The following ZNF577 variants were observed in gnomAD, a reference collection of about 807,000 sequenced individuals.
The protein encoded by ZNF577 is zinc finger protein 577.
Under a neutral mutation model 13.9 loss-of-function variants are expected in ZNF577, and 14 were observed. The ratio of observed to expected loss-of-function variants is 1.00; its 90% CI spans 0.66 to 1.57. The LOEUF is 1.57. Ranked by LOEUF, ZNF577 falls within the 40% of genes most tolerant of loss-of-function variation. ZNF577 has a pLI of 0.00. For synonymous variants in ZNF577, 203 were observed against 202.9 expected (o/e 1.00, Z 0.00); for missense variants, 555 against 579.2 (o/e 0.96, Z 0.43).
intron 9 of ZNF577, among the ~76,000 whole-genome samples, chr19:51,817,313 T>C (rs79530843): frequency 0.026 from 3,895 of 152,146 alleles, 162 homozygotes; most frequent in African/African-American, 0.088. Context: ...AAAACCAAAA[T>C]AGAGTCACTC....
rs558202509 is a variant in ZNF577 at position 51,877,644 on chromosome 19, T to C, written c.188-267A>G. ...ATTGTTGGCAAAGATGTGGAGAAACTGGGACCCTGTGTACTCTTGGTGGGA... is the reference window on the plus strand; with the variant it reads ...ATTGTTGGCAAAGATGTGGAGAAACCGGGACCCTGTGTACTCTTGGTGGGA... On this transcript the variant is annotated intron_variant, in intron 4 of 5. Transcript: ENST00000638348. The C allele has an allele frequency of 7.8e-3, 2,488 of 317,940 alleles. 68 individuals are homozygous for C. The highest frequency in any genetic ancestry group is 0.05 in the African/African-American group (2,296 of 46,238). 19.7% of individuals were successfully genotyped at this position (317,940 alleles called of 1,614,324 possible).
At chr19:51,883,644 T>C (rs1271792888) in intron 1 of ZNF577, among the ~76,000 whole-genome samples, 1 of 151,860 alleles carries the variant, frequency 6.6e-6, no homozygotes, top group Non-Finnish European at 1.5e-5. Context: ...GTTATAGAAT[T>C]AAAGAGATCT....
intron 9 of ZNF577, among the ~76,000 whole-genome samples, chr19:51,829,862 G>C (rs1599844812): frequency 1.3e-5 from 2 of 152,054 alleles, no homozygotes; most frequent in East Asian, 3.9e-4. Context: ...ATCACTCCTT[G>C]TCCCCACTAG....
intron 10 of ZNF577, among the ~76,000 whole-genome samples, chr19:51,807,688 A>T (rs879582250): frequency 1.3e-5 from 2 of 152,248 alleles, no homozygotes; most frequent in African/African-American, 2.4e-5. Context: ...AGGAAGAATG[A>T]AAGAATGGAT....
chr19:51,872,930 A>G lies in ZNF577; in HGVS notation c.1060T>C (p.Tyr354His), dbSNP rs1038564484. ...HQRTHTGERPYSCRECGKAFA... is the reference protein window; with the variant it reads ...HQRTHTGERPHSCRECGKAFA... ...GCTTTGCCACATTCTCTGCATGAAT[A>G]TGGTCTCTCTCCAGTGTGAGTACGC... The change falls in exon 6 of 6, where the codon TAT becomes CAT. Residue 354 changes from tyrosine (Y) to histidine (H), a missense_variant. Tyr to His is a moderately conservative substitution (Grantham distance 83). Transcript: ENST00000638348. 1.2e-6 allele frequency: 2 copies of G among 1,614,212 alleles called. No individual in the cohort carries two copies. Among genetic ancestry groups the G allele is most frequent in the African/African-American group, 2.7e-5 (2 of 75,062 alleles).
chr19:51,870,620 T>C lies in ZNF577; in HGVS notation c.*1912A>G, dbSNP rs1264435142. ...TTCTTCCTCCAGCCTAGGGGGGGTT[T>C]CTCACATACATATGCTGATTATGAC... On this transcript the variant is annotated 3_prime_UTR_variant, in exon 6 of 6. Transcript: ENST00000638348. Among the ~76,000 whole-genome samples the C allele has an allele frequency of 6.6e-6, 1 of 152,216 alleles. No individual in the cohort carries two copies. The highest frequency in any genetic ancestry group is 6.5e-5 in the Admixed American group (1 of 15,292).
At chr19:51,818,270 T>C (rs1287481602) in intron 9 of ZNF577, among the ~76,000 whole-genome samples, 1 of 152,222 alleles carries the variant, frequency 6.6e-6, no homozygotes, top group Non-Finnish European at 1.5e-5. Flanking sequence ...AATGATACCC[T>C]TTTTGATATA....
intron 5 of ZNF577, among the ~76,000 whole-genome samples, chr19:51,857,365 G>A (rs10421236): frequency 0.25 from 23,559 of 92,766 alleles, 3,293 homozygotes; most frequent in African/African-American, 0.36. Context: ...AAAGAAGGAA[G>A]GAAAGAAAGA....
chr19:51,808,326 T>C (rs948311131), intron 10 of ZNF577, among the ~76,000 whole-genome samples: 2 of 152,240 alleles, frequency 1.3e-5, no homozygotes, highest in Non-Finnish European at 2.9e-5. Flanking sequence ...TCCTAAGTAT[T>C]GGTATGGGGA....
intron 8 of ZNF577, among the ~76,000 whole-genome samples, chr19:51,841,481 G>T (rs944765026): frequency 2.0e-5 from 3 of 152,146 alleles, no homozygotes; most frequent in African/African-American, 4.8e-5. Context: ...CAAAAAGTGT[G>T]TTGTGGGGAT....
intron 2 of ZNF577, 53 bp downstream of exon 2, chr19:51,880,626 C>T (rs1216679378): frequency 1.9e-6 from 1 of 540,500 alleles, no homozygotes; most frequent in African/African-American, 1.9e-5. Flanking sequence ...CTTTTACAAG[C>T]TTCCACAGAC....
intron 5 of ZNF577, among the ~76,000 whole-genome samples, chr19:51,858,729 C>G (rs1201830130): frequency 1.3e-5 from 2 of 152,006 alleles, no homozygotes; most frequent in African/African-American, 4.8e-5. Context: ...CTAGAATACC[C>G]ACTAGAAGTT....
At chr19:51,881,317 G>A (rs10402630) in intron 1 of ZNF577, among the ~76,000 whole-genome samples, 33,687 of 151,974 alleles carry the variant, frequency 0.22, 4,573 homozygotes, top group South Asian at 0.41. Flanking sequence ...CTGTCTCTAA[G>A]AATAAAAACA....
chr19:51,818,858 G>A (rs1302943498), intron 9 of ZNF577, among the ~76,000 whole-genome samples: 1 of 152,154 alleles, frequency 6.6e-6, no homozygotes, highest in Non-Finnish European at 1.5e-5. Flanking sequence ...GAAGAGTGCT[G>A]AGAAGAATAA....
chr19:51,851,530 CTCCTGAG>C (rs2084378572), intron 5 of ZNF577, among the ~76,000 whole-genome samples: 2 of 152,280 alleles, frequency 1.3e-5, no homozygotes, highest in South Asian at 4.1e-4. Context: ...CCAAACTTCT[CTCCTGAG>C]TCCTAACTAC....
chr19:51,833,244 T>C (rs890968638), intron 9 of ZNF577, among the ~76,000 whole-genome samples: 2 of 152,168 alleles, frequency 1.3e-5, no homozygotes, highest in African/African-American at 4.8e-5. Flanking sequence ...GCCTGGGAAC[T>C]CTCTCAAGTC....
rs2084970211 is a variant in ZNF577, at chr19:51,887,636, A to T, written c.-1034T>A. The T allele has an allele frequency of 6.6e-6, 1 of 152,056 alleles. No individual in the cohort carries two copies. Among genetic ancestry groups the T allele is most frequent in the Non-Finnish European group, 1.5e-5 (1 of 68,056 alleles). The allele number at this position is 152,056 out of a possible 1,614,324, so 9.4% of individuals were successfully genotyped here. On this transcript the variant is annotated 5_prime_UTR_variant, in exon 1 of 6. Transcript: ENST00000638348. ...GCCCTAGCGCTACTGTGCAACGAAG[A>T]CCTCCCAAGCACTGGTTCCAATGCG... is the stretch of plus-strand genomic sequence containing the variant.
chr19:51,866,112 T>TAA (rs77138668), downstream of ZNF577, among the ~76,000 whole-genome samples: 2 of 139,288 alleles, frequency 1.4e-5, no homozygotes, highest in Admixed American at 7.2e-5. Context: ...AGACTCCATC[T>TAA]AAAAAAAAAA....
At chr19:51,852,521 T>A (rs1376262648) in intron 5 of ZNF577, among the ~76,000 whole-genome samples, 3 of 152,088 alleles carry the variant, frequency 2.0e-5, no homozygotes, top group Non-Finnish European at 4.4e-5. Flanking sequence ...TTGGAGGAAT[T>A]TTGAGGTTTA....
Sources: allele counts gnomAD v4.1 joint callset (sites outside exome capture counted in the v4.1 genomes callset), GRCh38; gene constraint gnomAD v4.1.1; transcripts MANE v1.5; gene names NCBI Gene and HGNC (gene_info 2026-07-23, HGNC 2026-07-21).